The following SIPA1L1 variants were observed in gnomAD, a reference collection of about 807,000 sequenced individuals.
SIPA1L1 encodes the protein signal induced proliferation associated 1 like 1, also known as signal-induced proliferation-associated 1-like protein 1.
In SIPA1L1, 26 loss-of-function variants were observed where a neutral mutation model predicts 162.7. That is an observed-to-expected ratio of 0.16 (90% CI 0.12 to 0.22). The LOEUF (loss-of-function observed/expected upper bound fraction) is 0.22. Ranked by LOEUF, SIPA1L1 falls within the 10% of genes least tolerant of loss-of-function variation. The pLI, the probability that SIPA1L1 is intolerant of heterozygous loss-of-function variation, is 1.00. For synonymous variants in SIPA1L1, 829 were observed against 837.4 expected, an observed-to-expected ratio of 0.99 and a Z score of 0.17; for missense variants, 1,874 against 2,241.0, an observed-to-expected ratio of 0.84 and a Z score of 3.31.
chr14:71,557,134 CT>C (rs1476453961), intron 4 of SIPA1L1, among the ~76,000 whole-genome samples: 1 of 152,170 alleles, frequency 6.6e-6, no homozygotes, highest in African/African-American at 2.4e-5. Flanking sequence ...TCCCATTTTT[CT>C]TTTGGAATCT....
chr14:71,634,684 C>T (rs1215550456), intron 7 of SIPA1L1, among the ~76,000 whole-genome samples: 1 of 152,116 alleles, frequency 6.6e-6, no homozygotes, highest in Non-Finnish European at 1.5e-5. Flanking sequence ...CGTCTGTAAT[C>T]CCAGCACTTT....
intron 2 of SIPA1L1, among the ~76,000 whole-genome samples, chr14:71,497,611 A>G (rs1325088018): frequency 2.0e-5 from 3 of 152,230 alleles, no homozygotes; most frequent in Non-Finnish European, 2.9e-5. Context: ...GCCATACAGT[A>G]TATAATCTTC....
At chr14:71,685,262 T>C in intron 12 of SIPA1L1, 100 bp from the exon 13 acceptor site, 3 of 1,304,376 alleles carry the variant, frequency 2.3e-6, no homozygotes, top group Middle Eastern at 1.9e-4. Flanking sequence ...GAGGGTGAAA[T>C]TGTGGATCCA....
intron 2 of SIPA1L1, among the ~76,000 whole-genome samples, chr14:71,413,509 G>A (rs962085215): frequency 5.3e-5 from 8 of 152,250 alleles, no homozygotes; most frequent in South Asian, 4.1e-4. Flanking sequence ...AGGCTGAGGC[G>A]GGTGGATCAC....
At chr14:71,378,721 A>G (rs1310012172) in intron 2 of SIPA1L1, among the ~76,000 whole-genome samples, 4 of 152,024 alleles carry the variant, frequency 2.6e-5, no homozygotes, top group Non-Finnish European at 5.9e-5. Context: ...ACTGAGTGAT[A>G]CATTGAAAAT....
chr14:71,365,993 T>C (rs1357254655), intron 2 of SIPA1L1, among the ~76,000 whole-genome samples: 1 of 151,388 alleles, frequency 6.6e-6, no homozygotes, highest in Non-Finnish European at 1.5e-5. Flanking sequence ...TCCAAAGTGC[T>C]GGGATTACAG....
intron 2 of SIPA1L1, among the ~76,000 whole-genome samples, chr14:71,499,641 A>G (rs2050049420): frequency 1.3e-5 from 2 of 152,334 alleles, no homozygotes; most frequent in South Asian, 4.1e-4. Flanking sequence ...GGATAGCAAT[A>G]GAAATTAGCA....
chr14:71,701,174 A>G (rs1257498343), intron 14 of SIPA1L1, among the ~76,000 whole-genome samples: 1 of 152,116 alleles, frequency 6.6e-6, no homozygotes, highest in African/African-American at 2.4e-5. Flanking sequence ...GTTCAGTCAT[A>G]TTGGATGGGG....
chr14:71,596,018 C>T (rs1051992690), intron 5 of SIPA1L1, among the ~76,000 whole-genome samples: 1 of 152,138 alleles, frequency 6.6e-6, no homozygotes, highest in African/African-American at 2.4e-5. Flanking sequence ...AATCATGTAA[C>T]AAACATGTGG....
At chr14:71,731,242 C>T (rs183544803) in intron 20 of SIPA1L1, among the ~76,000 whole-genome samples, 172 of 152,294 alleles carry the variant, frequency 1.1e-3, no homozygotes, top group African/African-American at 3.9e-3. Flanking sequence ...CATGAATGTT[C>T]CTCCATGTCT....
At chr14:71,609,614 A>T (rs1286002577) in intron 5 of SIPA1L1, among the ~76,000 whole-genome samples, 2 of 151,970 alleles carry the variant, frequency 1.3e-5, no homozygotes, top group Admixed American at 1.3e-4. Flanking sequence ...TTACAGGTGC[A>T]CACCACCATG....
At chr14:71,490,313 G>A (rs1289606394) in intron 2 of SIPA1L1, among the ~76,000 whole-genome samples, 1 of 152,006 alleles carries the variant, frequency 6.6e-6, no homozygotes, top group African/African-American at 2.4e-5. Context: ...CACTTTTCTT[G>A]TAGTCTTAAT....
chr14:71,672,703 T>C (rs769669291), intron 12 of SIPA1L1, 81 bp downstream of exon 12: 2 of 1,431,780 alleles, frequency 1.4e-6, no homozygotes, highest in Middle Eastern at 2.3e-4. Flanking sequence ...TAGCAGGTAG[T>C]GGAGTAGGGT....
chr14:71,602,881 G>GCCTGTCC, intron 5 of SIPA1L1, among the ~76,000 whole-genome samples: 1 of 152,178 alleles, frequency 6.6e-6, no homozygotes. Flanking sequence ...AGAATCTAAT[G>GCCTGTCC]CCTGTCCCCT....
intron 13 of SIPA1L1, among the ~76,000 whole-genome samples, chr14:71,690,057 T>C (rs978520600): frequency 1.3e-5 from 2 of 152,196 alleles, no homozygotes; most frequent in Admixed American, 6.5e-5. Context: ...CACCATTTAA[T>C]GTTTACTCTT....
chr14:71,467,523 G>A (rs1169485364), intron 2 of SIPA1L1, among the ~76,000 whole-genome samples: 1 of 152,056 alleles, frequency 6.6e-6, no homozygotes, highest in Non-Finnish European at 1.5e-5. Context: ...TTAAAATCTT[G>A]GAGTATTTTT....
At chr14:71,544,543 A>G (rs1005977567) in intron 4 of SIPA1L1, among the ~76,000 whole-genome samples, 7 of 152,070 alleles carry the variant, frequency 4.6e-5, no homozygotes, top group Admixed American at 1.3e-4. Flanking sequence ...TGCTTAGCCA[A>G]TATTGGGAAG....
intron 3 of SIPA1L1, among the ~76,000 whole-genome samples, chr14:71,527,407 A>G (rs1231045427): frequency 1.3e-5 from 2 of 151,606 alleles, no homozygotes; most frequent in Non-Finnish European, 2.9e-5. Context: ...GGGTCTTGCT[A>G]TGTTGCCCAG....
intron 7 of SIPA1L1, among the ~76,000 whole-genome samples, chr14:71,634,868 G>A (rs142952325): frequency 1.5e-4 from 23 of 152,046 alleles, no homozygotes; most frequent in Non-Finnish European, 2.2e-4. Context: ...CCTGGGAGGC[G>A]GAGCTTGCAG....
Sources: gnomAD v4.1 joint callset for allele counts (sites outside exome capture counted in the v4.1 genomes callset) on GRCh38, gnomAD v4.1.1 for gene constraint, MANE v1.5 for transcripts, NCBI Gene and HGNC (gene_info 2026-07-23, HGNC 2026-07-21) for gene names.